LONP2: variants seen among roughly 807,000 people sequenced by gnomAD.
The protein encoded by LONP2 is lon peptidase 2, peroxisomal.
In LONP2, 60 loss-of-function variants were observed where a neutral mutation model predicts 85.6. That is an observed-to-expected ratio of 0.70 (90% CI 0.57 to 0.87). LONP2 has a LOEUF of 0.87. LONP2 is among the 40% of genes least tolerant of loss of function. The pLI, the probability that LONP2 is intolerant of heterozygous loss-of-function variation, is 0.00. For missense variants in LONP2, 860 were observed against 1,063.5 expected (o/e 0.81, Z 2.66); for synonymous variants, 395 against 389.7 (o/e 1.01, Z -0.16).
intron 1 of LONP2, among the ~76,000 whole-genome samples, chr16:48,250,613 G>T (rs1251176695): frequency 6.6e-6 from 1 of 152,108 alleles, no homozygotes; most frequent in Non-Finnish European, 1.5e-5. Context: ...TTCCTCCTTG[G>T]TTTCTACTTT....
intron 12 of LONP2, among the ~76,000 whole-genome samples, chr16:48,337,454 C>T (rs1959685373): frequency 6.6e-6 from 1 of 152,198 alleles, no homozygotes; most frequent in Non-Finnish European, 1.5e-5. Flanking sequence ...AATCCTCAGT[C>T]ATGGTTGTCT....
chr16:48,325,843 A>G (rs1973357968), intron 11 of LONP2, among the ~76,000 whole-genome samples: 2 of 152,300 alleles, frequency 1.3e-5, no homozygotes, highest in South Asian at 2.1e-4. Context: ...TGTTTTCCAT[A>G]ATGGCTGTAC....
chr16:48,258,362 A>G (rs1971806686), intron 3 of LONP2, among the ~76,000 whole-genome samples: 1 of 151,910 alleles, frequency 6.6e-6, no homozygotes, highest in Non-Finnish European at 1.5e-5. Flanking sequence ...AAAAAGAAAA[A>G]AAAAAACCAC....
chr16:48,244,307 A>C lies in LONP2; in HGVS notation c.-82A>C. ...AAGCGGAGGCGTGGAGGCGGGTCTGAGGTTTGGTGACTGCGGGGCAGGCCG... is the reference window on the plus strand; with the variant it reads ...AAGCGGAGGCGTGGAGGCGGGTCTGCGGTTTGGTGACTGCGGGGCAGGCCG... On this transcript the variant is annotated 5_prime_UTR_variant, in exon 1 of 15. Transcript: ENST00000285737. 1 of 1,042,300 alleles carries C rather than the reference A, an allele frequency of 9.6e-7. No individual in the cohort carries two copies. The highest frequency in any genetic ancestry group is 1.3e-6 in the Non-Finnish European group (1 of 755,760). The allele number at this position is 1,042,300 out of a possible 1,614,324, so 64.6% of individuals were successfully genotyped here. A position where few individuals can be genotyped will look rare whatever the true frequency, so the allele number is the denominator to read the frequency against.
chr16:48,306,392 T>C (rs1373142413), intron 11 of LONP2, among the ~76,000 whole-genome samples: 1 of 152,236 alleles, frequency 6.6e-6, no homozygotes, highest in African/African-American at 2.4e-5. Context: ...ACTCAAGGAA[T>C]TGTTCAGTTT....
rs767406516 is a variant in LONP2, at chr16:48,256,753, C to T, written c.600+12C>T. On this transcript the variant is annotated intron_variant, in intron 3 of 14. Coordinates refer to ENST00000285737, the MANE Select transcript of LONP2 (RefSeq NM_031490.5). ...AAGAGAAACTCCAGGTACAGTGTTC[C>T]CTTTTGAACGCCAGGTTGCTTTGTC... is the stretch of plus-strand genomic sequence containing the variant. 6.2e-7 allele frequency: 1 copy of T among 1,610,106 alleles called. No individual in the cohort carries two copies. Among genetic ancestry groups the T allele is most frequent in the Non-Finnish European group, 8.5e-7 (1 of 1,178,734 alleles).
At chr16:48,331,648 T>G (rs1042603639) in intron 11 of LONP2, among the ~76,000 whole-genome samples, 3 of 151,070 alleles carry the variant, frequency 2.0e-5, no homozygotes, top group Non-Finnish European at 4.4e-5. Context: ...CACTGCAAGC[T>G]CTGCCTCCCG....
intron 11 of LONP2, among the ~76,000 whole-genome samples, chr16:48,330,313 A>G (rs925841731): frequency 6.6e-6 from 1 of 152,262 alleles, no homozygotes; most frequent in African/African-American, 2.4e-5. Flanking sequence ...ACTTGGGGTC[A>G]GGGTCCCTGA....
At chr16:48,271,911 T>G (rs1596930676) in intron 7 of LONP2, among the ~76,000 whole-genome samples, 1 of 152,214 alleles carries the variant, frequency 6.6e-6, no homozygotes, top group African/African-American at 2.4e-5. Context: ...GTAAAGGAAT[T>G]GGCATTTCTC....
Position 48,348,145 on chromosome 16 carries a change from A to C in LONP2, c.2192A>C (p.His731Pro). 1.2e-6 allele frequency: 2 copies of C among 1,611,708 alleles called. No homozygotes were observed. Among genetic ancestry groups the C allele is most frequent in the Non-Finnish European group, 1.7e-6 (2 of 1,179,510 alleles). Residue 731 changes from histidine (H) to proline (P), a missense_variant, in exon 14 of 15, where the codon CAC (histidine) becomes CCC (proline). Physicochemically the swap from His to Pro is moderately conservative, Grantham distance 77 (BLOSUM62 -2). Transcript: ENST00000285737. ...CTTGACAACACAGACATCCATCTGC[A>C]CTTCCCAGCTGGAGCTGTCACAAAA... is the stretch of plus-strand genomic sequence containing the variant. ...DLLDNTDIHL[H>P]FPAGAVTKDG...
intron 6 of LONP2, among the ~76,000 whole-genome samples, chr16:48,267,043 G>A (rs1245311418): frequency 4.6e-5 from 7 of 152,116 alleles, no homozygotes; most frequent in Non-Finnish European, 1.0e-4. Flanking sequence ...TTTGCATGTC[G>A]TGACAAAATA....
In LONP2 at chr16:48,270,288, C is replaced by CT; in HGVS notation, c.1241+15dup. 6.2e-7 allele frequency: 1 copy of CT among 1,611,784 alleles called. No homozygotes were observed. The highest frequency in any genetic ancestry group is 8.5e-7 in the Non-Finnish European group (1 of 1,178,418). On this transcript the variant is annotated intron_variant, in intron 7 of 14. Coordinates refer to ENST00000285737, the MANE Select transcript of LONP2 (RefSeq NM_031490.5). ...TCGAGGACACAGGTAGAACACTTCT[C>CT]TCAGTTTAATCTCTGATTCCTCTTT...
At chr16:48,334,025 C>T (rs927944853) in intron 11 of LONP2, among the ~76,000 whole-genome samples, 191 bp from the exon 12 acceptor site, 2 of 152,188 alleles carry the variant, frequency 1.3e-5, no homozygotes, top group Non-Finnish European at 1.5e-5. Context: ...ATACCACCCT[C>T]GGTGAGCTCT....
intron 11 of LONP2, among the ~76,000 whole-genome samples, chr16:48,331,024 G>A (rs117300424): frequency 2.2e-3 from 331 of 152,226 alleles, no homozygotes; most frequent in Non-Finnish European, 3.2e-3. Context: ...TCCTGTGATC[G>A]TGAAATACAA....
At chr16:48,322,507 A>G (rs1263013018) in intron 11 of LONP2, among the ~76,000 whole-genome samples, 1 of 152,122 alleles carries the variant, frequency 6.6e-6, no homozygotes, top group Non-Finnish European at 1.5e-5. Flanking sequence ...CTACCTTCTG[A>G]AGGACCTGCC....
chr16:48,291,834 C>T (rs920147031), intron 8 of LONP2, among the ~76,000 whole-genome samples: 6 of 152,198 alleles, frequency 3.9e-5, no homozygotes, highest in African/African-American at 1.4e-4. Flanking sequence ...GAATATTGAT[C>T]AGTATTTCTG....
intron 4 of LONP2, among the ~76,000 whole-genome samples, chr16:48,260,433 C>CA (rs981876934): frequency 5.3e-5 from 8 of 151,808 alleles, no homozygotes; most frequent in South Asian, 2.1e-4. Flanking sequence ...CTCATCTTTA[C>CA]AAAAAAAATT....
At chr16:48,308,455 C>T (rs568635919) in intron 11 of LONP2, among the ~76,000 whole-genome samples, 10 of 151,896 alleles carry the variant, frequency 6.6e-5, no homozygotes, top group South Asian at 2.1e-4. Flanking sequence ...GGTGAAACCC[C>T]GTCTCTACTA....
chr16:48,339,341 T>C (rs186565608), intron 12 of LONP2, among the ~76,000 whole-genome samples: 1 of 152,246 alleles, frequency 6.6e-6, no homozygotes. Context: ...TCAGAACAAA[T>C]GTGTATTGGA....
Sources: gnomAD v4.1 joint callset for allele counts (sites outside exome capture counted in the v4.1 genomes callset) on GRCh38, gnomAD v4.1.1 for gene constraint, MANE v1.5 for transcripts, NCBI Gene and HGNC (gene_info 2026-07-23, HGNC 2026-07-21) for gene names.